Variants in TMEM163 observed in about 807,000 individuals in gnomAD.
TMEM163 encodes the protein transmembrane protein 163.
In TMEM163, 17 loss-of-function variants were observed where a neutral mutation model predicts 29.3. That is an observed-to-expected ratio of 0.58 (90% CI 0.40 to 0.87). TMEM163 has a LOEUF of 0.87. TMEM163 is among the 40% of genes least tolerant of loss of function. The probability of loss-of-function intolerance (pLI) is 0.00; values close to 1 mark genes in which losing one functional copy is unlikely to be tolerated. For missense variants in TMEM163, 303 were observed against 381.5 expected (o/e 0.79, Z 1.71); for synonymous variants, 157 against 160.6 (o/e 0.98, Z 0.17).
chr2:134,663,627 A>G (rs1273610385), intron 2 of TMEM163, among the ~76,000 whole-genome samples: 2 of 152,180 alleles, frequency 1.3e-5, no homozygotes, highest in Non-Finnish European at 2.9e-5. Context: ...ATTTTGTTCC[A>G]TGTCAGGCAT....
intron 4 of TMEM163, among the ~76,000 whole-genome samples, chr2:134,505,239 C>CTTTTT (rs78772358): frequency 1.5e-5 from 2 of 130,232 alleles, no homozygotes; most frequent in African/African-American, 3.0e-5. Context: ...TGGGGAATTC[C>CTTTTT]TTTTTTTTTT....
At chr2:134,570,460 CTACATATATATATACATATACATA>C (rs1026349931) in intron 2 of TMEM163, among the ~76,000 whole-genome samples, 9 of 135,406 alleles carry the variant, frequency 6.6e-5, no homozygotes, top group African/African-American at 2.1e-4. Flanking sequence ...GGGGGTACTA[CTACATATATATATACATATACATA>C]TACATATACA....
chr2:134,544,564 T>C (rs537384669), intron 4 of TMEM163, among the ~76,000 whole-genome samples: 2 of 152,086 alleles, frequency 1.3e-5, no homozygotes, highest in East Asian at 3.9e-4. Flanking sequence ...AAGGCCAAGG[T>C]GGGCAGATCA....
At chr2:134,645,259 C>T (rs1170325118) in intron 2 of TMEM163, among the ~76,000 whole-genome samples, 1 of 152,210 alleles carries the variant, frequency 6.6e-6, no homozygotes, top group African/African-American at 2.4e-5. Flanking sequence ...AATCCTACAC[C>T]TAAGTATTTA....
At chr2:134,673,937 A>G (rs1334898098) in intron 2 of TMEM163, among the ~76,000 whole-genome samples, 1 of 152,168 alleles carries the variant, frequency 6.6e-6, no homozygotes, top group Non-Finnish European at 1.5e-5. Flanking sequence ...AACTAATACA[A>G]ATTACTATAC....
chr2:134,661,173 C>CTCTT (rs71982828), intron 2 of TMEM163, among the ~76,000 whole-genome samples: 2 of 151,984 alleles, frequency 1.3e-5, no homozygotes, highest in Non-Finnish European at 2.9e-5. Flanking sequence ...CTCTCTCTCT[C>CTCTT]TCTCTCTCTC....
intron 2 of TMEM163, among the ~76,000 whole-genome samples, chr2:134,576,488 A>G (rs1681558441): frequency 6.6e-6 from 1 of 152,230 alleles, no homozygotes; most frequent in African/African-American, 2.4e-5. Flanking sequence ...TTAAGTGGCA[A>G]TAAGAATTTT....
chr2:134,482,287 T>C (rs1342233926), intron 5 of TMEM163, among the ~76,000 whole-genome samples: 1 of 152,154 alleles, frequency 6.6e-6, no homozygotes, highest in Non-Finnish European at 1.5e-5. Flanking sequence ...TTAAGCTTAT[T>C]CCTCATCAAG....
chr2:134,633,229 G>C (rs1464009185), intron 2 of TMEM163, among the ~76,000 whole-genome samples: 3 of 152,144 alleles, frequency 2.0e-5, no homozygotes, highest in African/African-American at 7.2e-5. Flanking sequence ...ACAGAAAGAG[G>C]CTATTATATT....
intron 4 of TMEM163, among the ~76,000 whole-genome samples, chr2:134,510,586 G>A (rs920042537): frequency 1.3e-5 from 2 of 152,168 alleles, no homozygotes; most frequent in South Asian, 2.1e-4. Context: ...CAAGAAGATC[G>A]AACTGGCAGA....
chr2:134,466,811 C>G (rs966284804), intron 5 of TMEM163: 1 of 152,554 alleles, frequency 6.6e-6, no homozygotes, highest in African/African-American at 2.4e-5. Flanking sequence ...CTTAACACTT[C>G]CTCTAAGTTG....
intron 2 of TMEM163, among the ~76,000 whole-genome samples, chr2:134,617,622 G>A: frequency 1.3e-5 from 2 of 149,740 alleles, no homozygotes; most frequent in East Asian, 2.0e-4. Flanking sequence ...AAAAATCAGA[G>A]GAATTAAAAT....
At chr2:134,534,754 AAAAAT>A (rs559265186) in intron 4 of TMEM163, among the ~76,000 whole-genome samples, 36 of 152,180 alleles carry the variant, frequency 2.4e-4, no homozygotes, top group African/African-American at 8.2e-4. Flanking sequence ...ACTCCATCTC[AAAAAT>A]AAAATAAAAT....
intron 2 of TMEM163, among the ~76,000 whole-genome samples, chr2:134,565,194 C>T (rs910695652): frequency 6.7e-6 from 1 of 148,466 alleles, no homozygotes; most frequent in Non-Finnish European, 1.5e-5. Flanking sequence ...TCTGAGATCA[C>T]AACACTGCAC....
chr2:134,549,467 C>T (rs1000622587), intron 4 of TMEM163, among the ~76,000 whole-genome samples: 2 of 152,218 alleles, frequency 1.3e-5, no homozygotes, highest in African/African-American at 4.8e-5. Context: ...CCCACCTCAG[C>T]CTCCCGAGTA....
chr2:134,601,553 G>A (rs1337330567), intron 2 of TMEM163, among the ~76,000 whole-genome samples: 1 of 152,158 alleles, frequency 6.6e-6, no homozygotes, highest in Non-Finnish European at 1.5e-5. Flanking sequence ...AATTCGGCAG[G>A]GCTGGACCAC....
At chr2:134,663,294 C>A (rs1683798355) in intron 2 of TMEM163, among the ~76,000 whole-genome samples, 1 of 152,122 alleles carries the variant, frequency 6.6e-6, no homozygotes, top group South Asian at 2.1e-4. Context: ...TTCTGTTTGT[C>A]CTAATATTTC....
At chr2:134,703,751 G>A (rs989702029) in intron 2 of TMEM163, among the ~76,000 whole-genome samples, 5 of 151,692 alleles carry the variant, frequency 3.3e-5, no homozygotes, top group African/African-American at 4.8e-5. Flanking sequence ...TGAAGAGCTT[G>A]CTGGGAGAGA....
At chr2:134,505,841 T>C (rs1213470530) in intron 4 of TMEM163, among the ~76,000 whole-genome samples, 2 of 152,200 alleles carry the variant, frequency 1.3e-5, no homozygotes, top group Non-Finnish European at 2.9e-5. Context: ...AGGTAATTTA[T>C]TGCTTACTTA....
Sources: gnomAD v4.1 joint callset for allele counts (sites outside exome capture counted in the v4.1 genomes callset) on GRCh38, gnomAD v4.1.1 for gene constraint, MANE v1.5 for transcripts, NCBI Gene and HGNC (gene_info 2026-07-23, HGNC 2026-07-21) for gene names.